PCDHGA3: variants seen among roughly 807,000 people sequenced by gnomAD.
The protein encoded by PCDHGA3 is protocadherin gamma-A3.
A neutral mutation model predicts 58.5 loss-of-function variants in PCDHGA3; 40 were observed. The observed-to-expected ratio is 0.68, with a 90% CI of 0.53 to 0.89. PCDHGA3 has a LOEUF of 0.89. Ranked by LOEUF, PCDHGA3 falls within the 40% of genes least tolerant of loss-of-function variation. The probability of loss-of-function intolerance (pLI) is 0.00; values close to 1 mark genes in which losing one functional copy is unlikely to be tolerated. For missense variants in PCDHGA3, 1,223 were observed against 1,195.9 expected (o/e 1.02, Z -0.33); for synonymous variants, 530 against 525.7 (o/e 1.01, Z -0.11).
chr5:141,391,176 T>C (rs562307508), intron 1 of PCDHGA3: 1 of 152,322 alleles, frequency 6.6e-6, no homozygotes, highest in African/African-American at 2.4e-5. Context: ...ACTGCCAATC[T>C]GGTGTGCATA....
At position 141,389,081 on chromosome 5, in the gene PCDHGA3, G is replaced by A. The variant is rs371979686; in HGVS notation, c.2424+42624G>A. On this transcript the variant is annotated intron_variant, in intron 1 of 3. Transcript: ENST00000253812. Reference sequence around the variant, plus strand: ...AAATATTAACTTCTTCAAGAAACACGTATAAATTAGTGACAGATGCTGTTC... The same window carrying A: ...AAATATTAACTTCTTCAAGAAACACATATAAATTAGTGACAGATGCTGTTC... 1.5e-5 allele frequency: 24 copies of A among 1,613,978 alleles called. No homozygotes were observed. In the South Asian group the frequency reaches 2.0e-4, roughly 13 times the overall value.
chr5:141,483,289 A>G (rs1446467890), intron 1 of PCDHGA3, among the ~76,000 whole-genome samples: 3 of 152,194 alleles, frequency 2.0e-5, no homozygotes, highest in Admixed American at 2.0e-4. Flanking sequence ...TCTGTCAGTC[A>G]TAAGTGAAGG....
intron 1 of PCDHGA3, chr5:141,355,963 G>A: frequency 6.2e-7 from 1 of 1,613,836 alleles, no homozygotes; most frequent in Non-Finnish European, 8.5e-7. Context: ...TCGTGAGAAC[G>A]TTCCTGTAGG....
In PCDHGA3 at chr5:141,489,242, TG is replaced by T; in HGVS notation, c.2425-5561del. 6.5e-7 allele frequency: 1 copy of T among 1,534,498 alleles called. No homozygotes were observed. The highest frequency in any genetic ancestry group is 2.3e-5 in the East Asian group (1 of 44,312). On this transcript the variant is annotated intron_variant, in intron 1 of 3. Transcript: ENST00000253812. The surrounding 1 kb of genome is among the most constrained non-coding windows in gnomAD (Gnocchi z 4.5). ...TCTCCACAAAGGGACTTCTGGGTCA[TG>T]GGGCCCAAGACACTCCCACAGCTCG...
chr5:141,437,000 G>A (rs1197061999), intron 1 of PCDHGA3, among the ~76,000 whole-genome samples: 1 of 152,198 alleles, frequency 6.6e-6, no homozygotes, highest in Non-Finnish European at 1.5e-5. Flanking sequence ...TTACTTCAAT[G>A]GGATCTTAGA....
intron 1 of PCDHGA3, among the ~76,000 whole-genome samples, chr5:141,467,789 G>A (rs1264350552): frequency 6.6e-6 from 1 of 152,066 alleles, no homozygotes; most frequent in Non-Finnish European, 1.5e-5. Context: ...CTCTCAAGTA[G>A]CTGGGACTAC....
chr5:141,345,579 G>T lies in PCDHGA3; in HGVS notation c.1546G>T (p.Ala516Ser), dbSNP rs751237664. 6.2e-7 allele frequency: 1 copy of T among 1,614,160 alleles called. No individual in the cohort carries two copies. Among genetic ancestry groups the T allele is most frequent in the East Asian group, 2.2e-5 (1 of 44,876 alleles). ...CAACTCCAACACTGGCGTCCTATAC[G>T]CGCTGAGATCCTTCGACTACGAGCA... ...SINSNTGVLY[A>S]LRSFDYEQFR... The change falls in exon 1 of 4, where the codon GCG (alanine) becomes TCG (serine). Residue 516 changes from alanine (A) to serine (S), a missense_variant. Transcript: ENST00000253812.
At chr5:141,393,322 A>C (rs780040037) in intron 1 of PCDHGA3, 21 of 1,611,334 alleles carry the variant, frequency 1.3e-5, no homozygotes, top group Middle Eastern at 1.6e-4. Context: ...CTCCAGAGCT[A>C]CCAGCTCAGC....
chr5:141,384,294 C>A, intron 1 of PCDHGA3: 1 of 1,613,864 alleles, frequency 6.2e-7, no homozygotes. Context: ...CTGAGAACAA[C>A]CCCAGAGGGG....
intron 1 of PCDHGA3, chr5:141,390,094 T>G: frequency 1.2e-6 from 2 of 1,614,048 alleles, no homozygotes; most frequent in Non-Finnish European, 1.7e-6. Flanking sequence ...GAATCCGTGG[T>G]TCCCCCCAAC....
chr5:141,432,964 G>A lies in PCDHGA3; in HGVS notation c.2425-61843G>A, dbSNP rs2097554835. On this transcript the variant is annotated intron_variant, in intron 1 of 3. Transcript: ENST00000253812. This position sits in a 1 kb window ranked among gnomAD's most constrained non-coding sequence, Gnocchi z 6.0. Reference sequence around the variant, plus strand: ...CTTCAGGAGGCGGCTTGACAGGAGCGCCGGCGTCGCACTTTGTGGGCGTGG... The same window carrying A: ...CTTCAGGAGGCGGCTTGACAGGAGCACCGGCGTCGCACTTTGTGGGCGTGG... The A allele has an allele frequency of 6.2e-7, 1 of 1,614,044 alleles. No homozygotes were observed. Among genetic ancestry groups the A allele is most frequent in the African/African-American group, 1.3e-5 (1 of 74,934 alleles).
Position 141,375,142 on chromosome 5 carries a change from C to A in PCDHGA3, c.2424+28685C>A, listed in dbSNP as rs772426422. The A allele has an allele frequency of 5.0e-6, 8 of 1,613,910 alleles. No homozygotes were observed. The Admixed American group carries it at 1.3e-4, about 27-fold the overall frequency. ...CAGAAGTGGTTGTTACATCTGGAAG[C>A]AGAACAATTGCTGAAAGTGCACCTC... On this transcript the variant is annotated intron_variant, in intron 1 of 3. Transcript: ENST00000253812.
chr5:141,359,465 A>G lies in PCDHGA3; in HGVS notation c.2424+13008A>G, dbSNP rs577049017. Among the ~76,000 whole-genome samples the G allele has an allele frequency of 2.5e-3, 386 of 151,750 alleles. 1 individual carries two copies. The highest frequency in any genetic ancestry group is 8.7e-3 in the African/African-American group (360 of 41,298). ...CTTTTAGCAAATAACAATTTTGATT[A>G]AACAAATTGTTGTATATTCATATTA... On this transcript the variant is annotated intron_variant, in intron 1 of 3. Coordinates refer to ENST00000253812, the MANE Select transcript of PCDHGA3 (RefSeq NM_018916.4).
chr5:141,345,879 C>A lies in PCDHGA3; in HGVS notation c.1846C>A (p.Leu616Ile). Residue 616 changes from leucine to isoleucine, a missense_variant, in exon 1 of 4, where the codon CTC (leucine) becomes ATC (isoleucine). Physicochemically the swap from Leu to Ile is conservative, Grantham distance 5. Around this residue, in one of 3 missense-constraint regions of PCDHGA3, gnomAD observed 107 missense variants for 159.8 expected, o/e 0.67. Transcript: ENST00000253812. ...YRLLKASEPG[L>I]FSVGLHTGEV... is the part of the protein sequence containing the mutation. ...CCTGCTCAAGGCCAGCGAGCCGGGA[C>A]TCTTCTCGGTGGGTCTGCACACGGG... The A allele has an allele frequency of 1.2e-6, 2 of 1,613,490 alleles. No homozygotes were observed. Among genetic ancestry groups the A allele is most frequent in the Non-Finnish European group, 1.7e-6 (2 of 1,179,900 alleles).
In PCDHGA3 at chr5:141,487,046, G is replaced by A; in HGVS notation, c.2425-7761G>A. ...CAGCCTGTTTGCAGTCTCTCGATATGCTGGGGAGGTGCGGACGGCTGTTCC... is the reference window on the plus strand; with the variant it reads ...CAGCCTGTTTGCAGTCTCTCGATATACTGGGGAGGTGCGGACGGCTGTTCC... On this transcript the variant is annotated intron_variant, in intron 1 of 3. Coordinates refer to ENST00000253812, the MANE Select transcript of PCDHGA3 (RefSeq NM_018916.4). The surrounding 1 kb of genome is among the most constrained non-coding windows in gnomAD (Gnocchi z 5.0). 6.2e-7 allele frequency: 1 copy of A among 1,614,192 alleles called. No individual in the cohort carries two copies. Among genetic ancestry groups the A allele is most frequent in the Non-Finnish European group, 8.5e-7 (1 of 1,180,040 alleles).
At chr5:141,440,838 C>A (rs2098204954) in intron 1 of PCDHGA3, 1 of 152,102 alleles carries the variant, frequency 6.6e-6, no homozygotes, top group African/African-American at 2.4e-5. Context: ...TTGGTTGAAG[C>A]CAATGACAAC....
At chr5:141,426,048 A>G (rs2096911760) in intron 1 of PCDHGA3, among the ~76,000 whole-genome samples, 1 of 152,182 alleles carries the variant, frequency 6.6e-6, no homozygotes, top group Non-Finnish European at 1.5e-5. Context: ...CTGTTGGCCA[A>G]TGTGCTGCAA....
At chr5:141,408,971 C>G (rs763728764) in intron 1 of PCDHGA3, 4 of 1,613,698 alleles carry the variant, frequency 2.5e-6, no homozygotes, top group Non-Finnish European at 3.4e-6. Flanking sequence ...AAATCTGCCC[C>G]CTGGGTCCCC....
At chr5:141,376,410 C>T (rs1042594456) in intron 1 of PCDHGA3, 20 of 1,614,226 alleles carry the variant, frequency 1.2e-5, no homozygotes, top group Non-Finnish European at 1.7e-5. Flanking sequence ...CCCAACTATG[C>T]CGACACGCTT....
Sources: gnomAD v4.1 joint callset for allele counts (sites outside exome capture counted in the v4.1 genomes callset) on GRCh38, gnomAD v4.1.1 for gene constraint, gnomAD v4.1.1 regional missense constraint, Gnocchi (gnomAD v3.1) non-coding constraint, MANE v1.5 for transcripts, NCBI Gene and HGNC (gene_info 2026-07-23, HGNC 2026-07-21) for gene names.